Variants in RSRC1 observed in about 807,000 individuals in gnomAD.
The protein encoded by RSRC1 is serine/Arginine-related protein 53.
A neutral mutation model predicts 49.1 loss-of-function variants in RSRC1; 39 were observed. The ratio of observed to expected loss-of-function variants is 0.79; its 90% CI spans 0.61 to 1.04. The LOEUF (loss-of-function observed/expected upper bound fraction) is 1.04. Ranked by LOEUF, RSRC1 falls within the 50% of genes least tolerant of loss-of-function variation. RSRC1 has a pLI of 0.00. For synonymous variants in RSRC1, 143 were observed against 130.8 expected (o/e 1.09, Z -0.63); for missense variants, 388 against 402.4 (o/e 0.96, Z 0.31).
chr3:158,267,860 A>ATT (rs368565806), intron 4 of RSRC1, among the ~76,000 whole-genome samples: 13,642 of 124,720 alleles, frequency 0.11, 907 homozygotes, highest in Middle Eastern at 0.18. Context: ...TTCCATATCT[A>ATT]TTTTTTTTTT....
At chr3:158,124,096 G>T (rs1715459515) in intron 3 of RSRC1, 105 bp downstream of exon 3, 2 of 810,978 alleles carry the variant, frequency 2.5e-6, no homozygotes, top group Middle Eastern at 4.1e-4. Flanking sequence ...TTTTGATTGA[G>T]CTTAGCTGGC....
intron 3 of RSRC1, among the ~76,000 whole-genome samples, chr3:158,189,032 G>A (rs1229213708): frequency 5.3e-5 from 8 of 151,632 alleles, no homozygotes; most frequent in African/African-American, 1.9e-4. Context: ...GCTTTCATTT[G>A]ATTCACATAT....
At chr3:158,397,996 T>C (rs1347843068) in intron 6 of RSRC1, among the ~76,000 whole-genome samples, 1 of 152,056 alleles carries the variant, frequency 6.6e-6, no homozygotes. Flanking sequence ...TGGGATGGGA[T>C]GCGTACTGCG....
chr3:158,499,594 A>G (rs367702554), intron 7 of RSRC1, among the ~76,000 whole-genome samples: 2 of 152,118 alleles, frequency 1.3e-5, no homozygotes, highest in East Asian at 3.9e-4. Flanking sequence ...GAGGTCTTTC[A>G]GCTCCTTCAT....
At chr3:158,172,075 A>G (rs1433682597) in intron 3 of RSRC1, among the ~76,000 whole-genome samples, 1 of 152,188 alleles carries the variant, frequency 6.6e-6, no homozygotes. Context: ...TGAGACAATA[A>G]TAAAATATCT....
At chr3:158,316,299 CTTA>C (rs1427245057) in intron 5 of RSRC1, among the ~76,000 whole-genome samples, 1 of 152,148 alleles carries the variant, frequency 6.6e-6, no homozygotes, top group Non-Finnish European at 1.5e-5. Flanking sequence ...AGAATGTCAG[CTTA>C]AAATACCAAT....
chr3:158,375,943 G>T (rs183067997), intron 6 of RSRC1, among the ~76,000 whole-genome samples: 1 of 152,098 alleles, frequency 6.6e-6, no homozygotes, highest in East Asian at 1.9e-4. Context: ...AGCCATGGAT[G>T]GTTTCTCAAT....
At chr3:158,512,135 A>T (rs1740223110) in intron 7 of RSRC1, among the ~76,000 whole-genome samples, 1 of 148,372 alleles carries the variant, frequency 6.7e-6, no homozygotes, top group African/African-American at 2.5e-5. Flanking sequence ...CCCATTTGTC[A>T]ATTTTGGCTT....
At chr3:158,350,960 A>G (rs1730839642) in intron 5 of RSRC1, among the ~76,000 whole-genome samples, 1 of 152,178 alleles carries the variant, frequency 6.6e-6, no homozygotes, top group African/African-American at 2.4e-5. Context: ...ATGGGTTGGT[A>G]TGAAATTTTT....
At chr3:158,170,832 T>G (rs1406486197) in intron 3 of RSRC1, among the ~76,000 whole-genome samples, 3 of 152,148 alleles carry the variant, frequency 2.0e-5, no homozygotes, top group Non-Finnish European at 4.4e-5. Flanking sequence ...AGCCCTCCTT[T>G]GAAGGCAGCC....
intron 5 of RSRC1, among the ~76,000 whole-genome samples, chr3:158,331,873 G>T (rs1729567699): frequency 6.8e-6 from 1 of 147,252 alleles, no homozygotes; most frequent in East Asian, 2.0e-4. Context: ...GTAAAGAGTT[G>T]GATTATCATT....
chr3:158,407,752 A>G (rs567883903), intron 6 of RSRC1, among the ~76,000 whole-genome samples: 6 of 152,332 alleles, frequency 3.9e-5, no homozygotes, highest in Non-Finnish European at 8.8e-5. Flanking sequence ...CTCATCAAGA[A>G]GTTCATTTGA....
chr3:158,256,575 C>T (rs538071718), intron 4 of RSRC1, among the ~76,000 whole-genome samples: 56 of 152,264 alleles, frequency 3.7e-4, no homozygotes, highest in African/African-American at 1.3e-3. Context: ...CAGGATGATG[C>T]TGGCCTCATA....
At chr3:158,168,610 T>A (rs1718675908) in intron 3 of RSRC1, among the ~76,000 whole-genome samples, 1 of 152,192 alleles carries the variant, frequency 6.6e-6, no homozygotes, top group Admixed American at 6.5e-5. Context: ...TTTATTAAGA[T>A]GGTGGACATA....
At chr3:158,507,638 T>C (rs1739919910) in intron 7 of RSRC1, among the ~76,000 whole-genome samples, 1 of 152,202 alleles carries the variant, frequency 6.6e-6, no homozygotes, top group Non-Finnish European at 1.5e-5. Context: ...GTCTTATGTA[T>C]GAAATAAAAT....
intron 8 of RSRC1, among the ~76,000 whole-genome samples, chr3:158,541,716 G>T (rs749080062): frequency 2.0e-5 from 3 of 152,078 alleles, no homozygotes; most frequent in African/African-American, 7.2e-5. Flanking sequence ...TATAAAAAAG[G>T]CTACATAACA....
chr3:158,294,684 G>A (rs972541025), intron 4 of RSRC1, among the ~76,000 whole-genome samples: 7 of 151,926 alleles, frequency 4.6e-5, no homozygotes, highest in Admixed American at 1.3e-4. Flanking sequence ...TACTTTCCCC[G>A]TGGCTCCCAC....
chr3:158,323,997 A>G (rs1487364078), intron 5 of RSRC1, among the ~76,000 whole-genome samples: 1 of 152,180 alleles, frequency 6.6e-6, no homozygotes, highest in Non-Finnish European at 1.5e-5. Context: ...TGTATCCTGC[A>G]TTTCACTTAG....
intron 3 of RSRC1, among the ~76,000 whole-genome samples, chr3:158,139,098 T>A (rs1308553242): frequency 6.6e-6 from 1 of 152,168 alleles, no homozygotes; most frequent in Non-Finnish European, 1.5e-5. Context: ...TATAATTTTT[T>A]GAGAATGAAT....
Sources: gnomAD v4.1 joint callset for allele counts (sites outside exome capture counted in the v4.1 genomes callset) on GRCh38, gnomAD v4.1.1 for gene constraint, MANE v1.5 for transcripts, NCBI Gene and HGNC (gene_info 2026-07-23, HGNC 2026-07-21) for gene names.